The following SHANK1 variants were observed in gnomAD, a reference collection of about 807,000 sequenced individuals.
SHANK1 encodes the protein SH3 and multiple ankyrin repeat domains 1, also known as SH3 and multiple ankyrin repeat domains protein 1.
SHANK1 carries 35 observed loss-of-function variants against 165.6 expected under a neutral mutation model. The observed-to-expected ratio is 0.21, with a 90% CI of 0.16 to 0.28. The LOEUF (loss-of-function observed/expected upper bound fraction) is 0.28, where lower values mean the gene tolerates loss of function less well. Among genes scored for constraint, SHANK1 ranks in the 10% least tolerant of loss-of-function variants. The probability of loss-of-function intolerance (pLI) is 1.00; values close to 1 mark genes in which losing one functional copy is unlikely to be tolerated. For synonymous variants in SHANK1, 1,428 were observed against 1,384.8 expected, an observed-to-expected ratio of 1.03 and a Z score of -0.69; for missense variants, 2,681 against 3,036.4, an observed-to-expected ratio of 0.88 and a Z score of 2.75.
Position 50,686,850 on chromosome 19 carries a change from C to A in SHANK1, c.2390-38G>T, listed in dbSNP as rs759383982. On this transcript the variant is annotated intron_variant, in intron 19 of 23. Coordinates refer to ENST00000293441, the MANE Select transcript of SHANK1 (RefSeq NM_016148.5). This position sits in a 1 kb window ranked among gnomAD's most constrained non-coding sequence, Gnocchi z 5.7. ...AACACGGATGACGCCCAGGGAGCCCCCGGGGGCGGGGCGGAGCGGGCTCGG... is the reference window on the plus strand; with the variant it reads ...AACACGGATGACGCCCAGGGAGCCCACGGGGGCGGGGCGGAGCGGGCTCGG... 2 of 1,611,324 alleles carry A rather than the reference C, an allele frequency of 1.2e-6. No individual in the cohort carries two copies. The highest frequency in any genetic ancestry group is 2.7e-5 in the African/African-American group (2 of 74,760).
At chr19:50,712,251 T>C in intron 6 of SHANK1, 137 bp from the exon 7 acceptor site, 2 of 855,800 alleles carry the variant, frequency 2.3e-6, no homozygotes, top group Non-Finnish European at 3.6e-6. Flanking sequence ...TCTGCCGTGA[T>C]GCCCTTGTGC....
In SHANK1 at chr19:50,687,944, C is replaced by G; in HGVS notation, c.2287G>C (p.Asp763His). Residue 763 changes from aspartate to histidine, a missense_variant, in exon 18 of 24, where the codon GAT (aspartate) becomes CAT (histidine). Coordinates refer to ENST00000293441, the MANE Select transcript of SHANK1 (RefSeq NM_016148.5). Reference sequence around the variant, plus strand: ...GCACCTTTCTTGTGCACTGCCTCATCCATGTCCGGGTGCCTGGTGACCATC... The same window carrying G: ...GCACCTTTCTTGTGCACTGCCTCATGCATGTCCGGGTGCCTGGTGACCATC... ...VVMVTRHPDM[D>H]EAVHKKAPQQ... 1 of 1,614,074 alleles carries G rather than the reference C, an allele frequency of 6.2e-7. No individual in the cohort carries two copies. The highest frequency in any genetic ancestry group is 8.5e-7 in the Non-Finnish European group (1 of 1,179,972).
intron 15 of SHANK1, among the ~76,000 whole-genome samples, chr19:50,691,951 T>C (rs1173251363): frequency 6.6e-6 from 1 of 152,144 alleles, no homozygotes; most frequent in Non-Finnish European, 1.5e-5. Flanking sequence ...TCCCAAAGTG[T>C]TGGGATTACA....
At chr19:50,681,171 T>A (rs1045448966) in intron 21 of SHANK1, among the ~76,000 whole-genome samples, 1 of 147,624 alleles carries the variant, frequency 6.8e-6, no homozygotes, top group African/African-American at 2.5e-5. Flanking sequence ...AGAAACCTCA[T>A]GAAGGGGCAT....
rs766455027 is a variant in SHANK1 at position 50,662,602 on chromosome 19, G to A, written c.5849C>T (p.Pro1950Leu). Residue 1950 changes from proline (P) to leucine (L), a missense_variant, in exon 24 of 24, where the codon CCG (proline) becomes CTG (leucine). This residue lies in a region of SHANK1 where 1,713 missense variants were observed against 1,630.2 expected (regional missense o/e 1.05). Transcript: ENST00000293441. The surrounding 1 kb of genome is among the most constrained non-coding windows in gnomAD (Gnocchi z 7.7). ...LFQNWPKPPLPPLPTGTGVSP... is the reference protein window; with the variant it reads ...LFQNWPKPPLLPLPTGTGVSP... ...GACCCCTGTTCCGGTGGGGAGTGGC[G>A]GCAGAGGTGGTTTGGGCCAGTTCTG... is the stretch of plus-strand genomic sequence containing the variant. 10 of 1,564,310 alleles carry A rather than the reference G, an allele frequency of 6.4e-6. No homozygotes were observed. The highest frequency in any genetic ancestry group is 4.1e-5 in the African/African-American group (3 of 73,646).
chr19:50,717,950 G>A lies in SHANK1; in HGVS notation c.-43-988C>T, dbSNP rs573355239. 5.9e-5 allele frequency among the ~76,000 whole-genome samples: 9 copies of A among 152,062 alleles called. No homozygotes were observed. The South Asian group carries it at 1.7e-3, about 28-fold the overall frequency. ...CTTGAGGTGGCCTTATGAGGGTGGA[G>A]CCCCTTCCAAATGGGGTCCGCCTCC... On this transcript the variant is annotated intron_variant, in intron 1 of 23. Transcript: ENST00000293441. The surrounding 1 kb of genome is among the most constrained non-coding windows in gnomAD (Gnocchi z 5.5).
chr19:50,716,939 G>A lies in SHANK1; in HGVS notation c.-20C>T, dbSNP rs1041588294. On this transcript the variant is annotated 5_prime_UTR_variant, in exon 2 of 24. Coordinates refer to ENST00000293441, the MANE Select transcript of SHANK1 (RefSeq NM_016148.5). The surrounding 1 kb of genome is among the most constrained non-coding windows in gnomAD (Gnocchi z 8.4). ...GGTCATTGTGGGGCCACGGGGCGAC[G>A]GGGGACGGCAGCATCACAGGCGGCT... The A allele has an allele frequency of 7.0e-6, 10 of 1,419,436 alleles. No individual in the cohort carries two copies. Among genetic ancestry groups the A allele is most frequent in the African/African-American group, 4.4e-5 (3 of 68,856 alleles). The allele number at this position is 1,419,436 out of a possible 1,614,324, so 87.9% of individuals were successfully genotyped here. A position where few individuals can be genotyped will look rare whatever the true frequency, so the allele number is the denominator to read the frequency against.
rs770015050 is a variant in SHANK1, at chr19:50,716,482, G to A, written c.256-4C>T. The stretch of plus-strand genomic sequence containing the variant: ...CGGGGTTGAAGCGAAGGCATTTCTG[G>A]TTGGGGAAGAGATAGGGGCTAGGGT... On this transcript the variant is annotated splice_polypyrimidine_tract_variant and splice_region_variant and intron_variant, in intron 2 of 23. Coordinates refer to ENST00000293441, the MANE Select transcript of SHANK1 (RefSeq NM_016148.5). The surrounding 1 kb of genome is among the most constrained non-coding windows in gnomAD (Gnocchi z 8.4). The A allele has an allele frequency of 5.6e-6, 9 of 1,614,006 alleles. No homozygotes were observed. In the East Asian group the frequency reaches 8.9e-5, roughly 16 times the overall value.
chr19:50,678,720 A>T (rs1986057390), intron 21 of SHANK1, among the ~76,000 whole-genome samples: 1 of 96,144 alleles, frequency 1.0e-5, no homozygotes, highest in Non-Finnish European at 2.1e-5. Context: ...GAGACAGTGG[A>T]GGAGTCAAAG....
Position 50,703,617 on chromosome 19 carries a change from G to A in SHANK1, c.1436C>T (p.Thr479Ile), listed in dbSNP as rs2123176787. 1 of 1,557,084 alleles carries A rather than the reference G, an allele frequency of 6.4e-7. No homozygotes were observed. The highest frequency in any genetic ancestry group is 8.7e-7 in the Non-Finnish European group (1 of 1,153,770). Residue 479 changes from threonine (T) to isoleucine (I), a missense_variant, in exon 11 of 24, where the codon ACC (threonine) becomes ATC (isoleucine). By Grantham distance (89) the Thr-to-Ile change is moderately conservative (BLOSUM62 -1). Around this residue, in one of 10 missense-constraint regions of SHANK1, gnomAD observed 195 missense variants for 186.2 expected, o/e 1.05. Coordinates refer to ENST00000293441, the MANE Select transcript of SHANK1 (RefSeq NM_016148.5). ...TCGGAGGGTCCCGCTGCTGAGCTTGGTGGTGGGGGCCGAGGGCTGCGACTG... is the reference window on the plus strand; with the variant it reads ...TCGGAGGGTCCCGCTGCTGAGCTTGATGGTGGGGGCCGAGGGCTGCGACTG... ...QGQSQPSAPT[T>I]KLSSGTLRSA...
chr19:50,708,148 T>TTGAA (rs1425120591), intron 8 of SHANK1, among the ~76,000 whole-genome samples: 2 of 151,960 alleles, frequency 1.3e-5, no homozygotes, highest in East Asian at 3.9e-4. Flanking sequence ...GGTTTCACCA[T>TTGAA]CTTGGCCAGA....
At chr19:50,679,307 A>G (rs1986096883) in intron 21 of SHANK1, among the ~76,000 whole-genome samples, 1 of 151,482 alleles carries the variant, frequency 6.6e-6, no homozygotes, top group African/African-American at 2.4e-5. Context: ...GAGGGTGCAG[A>G]GTGACAGACG....
intron 15 of SHANK1, among the ~76,000 whole-genome samples, chr19:50,694,311 GC>G (rs1471038244): frequency 6.6e-6 from 1 of 151,466 alleles, no homozygotes; most frequent in African/African-American, 2.4e-5. Context: ...GGGAGGGGAA[GC>G]CGGGGGCGGG....
Position 50,716,958 on chromosome 19 carries a change from G to A in SHANK1, c.-39C>T. 2 of 1,415,994 alleles carry A rather than the reference G, an allele frequency of 1.4e-6. No homozygotes were observed. The highest frequency in any genetic ancestry group is 3.2e-5 in the Admixed American group (1 of 31,354). The allele number at this position is 1,415,994 out of a possible 1,614,324, so 87.7% of individuals were successfully genotyped here. A position where few individuals can be genotyped will look rare whatever the true frequency, so the allele number is the denominator to read the frequency against. ...GGCGACGGGGGACGGCAGCATCACA[G>A]GCGGCTGCAGGGGCCAAGGGCGGCC... is the stretch of plus-strand genomic sequence containing the variant. On this transcript the variant is annotated 5_prime_UTR_variant, in exon 2 of 24. Transcript: ENST00000293441. The surrounding 1 kb of genome is among the most constrained non-coding windows in gnomAD (Gnocchi z 8.4).
chr19:50,688,169 G>T lies in SHANK1; in HGVS notation c.2173-111C>A. The T allele has an allele frequency of 7.5e-7, 1 of 1,338,414 alleles. No individual in the cohort carries two copies. The highest frequency in any genetic ancestry group is 1.0e-6 in the Non-Finnish European group (1 of 961,216). 82.9% of individuals were successfully genotyped at this position (1,338,414 alleles called of 1,614,324 possible). A position where few individuals can be genotyped will look rare whatever the true frequency, so the allele number is the denominator to read the frequency against. On this transcript the variant is annotated intron_variant, in intron 17 of 23. Coordinates refer to ENST00000293441, the MANE Select transcript of SHANK1 (RefSeq NM_016148.5). The surrounding 1 kb of genome is among the most constrained non-coding windows in gnomAD (Gnocchi z 6.7). ...TGCGCTGCCCTGTCCATGGCCCTCT[G>T]GGCTATGTTCCTCTCCCTCCGACCC...
In SHANK1 at chr19:50,716,351, T is replaced by C; in HGVS notation, c.383A>G (p.Asp128Gly). Reference sequence around the variant, plus strand: ...CCTCTCCTCCTCCAGGAAGTTGGCATCGCGGCCGGAGGTGGCCGGTTGGAA... The same window carrying C: ...CCTCTCCTCCTCCAGGAAGTTGGCACCGCGGCCGGAGGTGGCCGGTTGGAA... Reference protein sequence around the residue: ...GLFQPATSGRDANFLEEERLL... With the variant: ...GLFQPATSGRGANFLEEERLL... The change falls in exon 3 of 24, where the codon GAT becomes GGT. Residue 128 changes from aspartate to glycine, a missense_variant. Physicochemically the swap from Asp to Gly is moderately conservative, Grantham distance 94. Around this residue, in one of 10 missense-constraint regions of SHANK1, gnomAD observed 189 missense variants for 440.9 expected, o/e 0.43. Coordinates refer to ENST00000293441, the MANE Select transcript of SHANK1 (RefSeq NM_016148.5). This position sits in a 1 kb window ranked among gnomAD's most constrained non-coding sequence, Gnocchi z 8.4. 1 of 1,614,170 alleles carries C rather than the reference T, an allele frequency of 6.2e-7. No homozygotes were observed. Among genetic ancestry groups the C allele is most frequent in the Non-Finnish European group, 8.5e-7 (1 of 1,180,030 alleles).
At chr19:50,714,027 C>A in intron 5 of SHANK1, 78 bp from the exon 6 acceptor site, 1 of 1,576,204 alleles carries the variant, frequency 6.3e-7, no homozygotes, top group Non-Finnish European at 8.6e-7. Context: ...GGCTCTGCAG[C>A]TCTCCACCCC....
intron 16 of SHANK1, 101 bp from the exon 17 acceptor site, chr19:50,689,069 G>T (rs1210201497): frequency 8.9e-7 from 1 of 1,117,916 alleles, no homozygotes; most frequent in Non-Finnish European, 1.3e-6. Flanking sequence ...CACCGCAGCT[G>T]AGGGACCAGC....
chr19:50,714,152 G>C, intron 5 of SHANK1, 30 bp downstream of exon 5: 1 of 1,600,056 alleles, frequency 6.2e-7, no homozygotes, highest in Non-Finnish European at 8.6e-7. Flanking sequence ...TCCTGGCCCT[G>C]AGGTCCTCCT....
Sources: allele counts gnomAD v4.1 joint callset (sites outside exome capture counted in the v4.1 genomes callset), GRCh38; gene constraint gnomAD v4.1.1; regional missense constraint gnomAD v4.1.1; non-coding constraint Gnocchi (gnomAD v3.1); transcripts MANE v1.5; gene names NCBI Gene and HGNC (gene_info 2026-07-23, HGNC 2026-07-21).